TRPC7: variants seen among roughly 807,000 people sequenced by gnomAD.
The protein encoded by TRPC7 is transient receptor potential cation channel subfamily C member 7, also known as short transient receptor potential channel 7.
A neutral mutation model predicts 90.1 loss-of-function variants in TRPC7; 42 were observed. The observed-to-expected ratio is 0.47, with a 90% CI of 0.36 to 0.60. The LOEUF (loss-of-function observed/expected upper bound fraction) is 0.60. Ranked by LOEUF, TRPC7 falls within the 20% of genes least tolerant of loss-of-function variation. TRPC7 has a pLI of 0.00. For synonymous variants in TRPC7, 451 were observed against 436.3 expected, an observed-to-expected ratio of 1.03 and a Z score of -0.42; for missense variants, 955 against 1,112.3, an observed-to-expected ratio of 0.86 and a Z score of 2.01.
chr5:136,277,148 C>T (rs576287394), intron 3 of TRPC7, among the ~76,000 whole-genome samples: 4 of 152,296 alleles, frequency 2.6e-5, no homozygotes, highest in African/African-American at 9.6e-5. Context: ...AGGTCAGCAC[C>T]GCAGATTGGG....
intron 2 of TRPC7, among the ~76,000 whole-genome samples, chr5:136,333,639 G>A (rs1384817097): frequency 6.6e-6 from 1 of 152,200 alleles, no homozygotes; most frequent in Non-Finnish European, 1.5e-5. Flanking sequence ...GGTAGAATCT[G>A]TTGGAATCAT....
At chr5:136,297,121 G>T (rs1452059316) in intron 3 of TRPC7, among the ~76,000 whole-genome samples, 1 of 152,058 alleles carries the variant, frequency 6.6e-6, no homozygotes, top group African/African-American at 2.4e-5. Flanking sequence ...CCCTTTCATG[G>T]CCTGGCTCAG....
At chr5:136,218,665 T>C (rs763455746) in intron 10 of TRPC7, among the ~76,000 whole-genome samples, 6 of 152,196 alleles carry the variant, frequency 3.9e-5, no homozygotes, top group Non-Finnish European at 1.5e-5. Context: ...TTACTAATAA[T>C]AGAAAATGTG....
In TRPC7 at chr5:136,361,001, G is replaced by A. The variant is rs189631683; in HGVS notation, c.3-3616C>T. On this transcript the variant is annotated intron_variant, in intron 1 of 11. Transcript: ENST00000513104. Reference sequence around the variant, plus strand: ...CATGTTTTAGCTATACATATCACACGGGTTGGAAAGAATCCACAAAAGATG... The same window carrying A: ...CATGTTTTAGCTATACATATCACACAGGTTGGAAAGAATCCACAAAAGATG... Among the ~76,000 whole-genome samples the A allele has an allele frequency of 6.0e-4, 91 of 152,040 alleles. 1 individual carries two copies. Among genetic ancestry groups the A allele is most frequent in the African/African-American group, 2.0e-3 (81 of 41,486 alleles).
At chr5:136,347,886 C>T (rs1760061295) in intron 2 of TRPC7, among the ~76,000 whole-genome samples, 1 of 152,200 alleles carries the variant, frequency 6.6e-6, no homozygotes, top group Non-Finnish European at 1.5e-5. Flanking sequence ...GAAGCAGGGT[C>T]CTGGGGAGCT....
At position 136,361,788 on chromosome 5, in the gene TRPC7, T is replaced by C. The variant is rs557275363; in HGVS notation, c.2+3465A>G. On this transcript the variant is annotated intron_variant, in intron 1 of 11. Coordinates refer to ENST00000513104, the MANE Select transcript of TRPC7 (RefSeq NM_020389.3). ...GGAAAACTCAGCTTTGATCTGTGCA[T>C]CTTCTCCCAAGAGTACATATTCTGA... Among the ~76,000 whole-genome samples, 3 of 152,278 alleles carry C rather than the reference T, an allele frequency of 2.0e-5. 1 individual carries two copies. The South Asian group carries it at 6.2e-4, about 32-fold the overall frequency.
intron 3 of TRPC7, among the ~76,000 whole-genome samples, chr5:136,275,382 T>TAA (rs34461199): frequency 6.8e-6 from 1 of 147,042 alleles, no homozygotes; most frequent in African/African-American, 2.5e-5. Context: ...AATGACATTG[T>TAA]AAAAAAAAAA....
At chr5:136,265,670 G>A (rs796929100) in intron 5 of TRPC7, among the ~76,000 whole-genome samples, 4 of 152,236 alleles carry the variant, frequency 2.6e-5, no homozygotes, top group African/African-American at 9.6e-5. Flanking sequence ...AGCTCCAGTG[G>A]CAGACTGTGG....
chr5:136,243,132 G>A (rs930147035), intron 7 of TRPC7, among the ~76,000 whole-genome samples: 31 of 152,108 alleles, frequency 2.0e-4, no homozygotes, highest in African/African-American at 7.5e-4. Context: ...TAGAATGCTT[G>A]CCCTTCCTCT....
chr5:136,352,257 C>G (rs1760216938), intron 2 of TRPC7, among the ~76,000 whole-genome samples: 1 of 152,150 alleles, frequency 6.6e-6, no homozygotes, highest in Admixed American at 6.6e-5. Context: ...CTACAATATT[C>G]CCTTGTCATC....
At chr5:136,344,846 A>G (rs1319939778) in intron 2 of TRPC7, among the ~76,000 whole-genome samples, 2 of 152,224 alleles carry the variant, frequency 1.3e-5, no homozygotes, top group East Asian at 1.9e-4. Flanking sequence ...CAAAGACTGT[A>G]GGTGCAGGAA....
At chr5:136,296,054 A>C (rs929684194) in intron 3 of TRPC7, among the ~76,000 whole-genome samples, 2 of 152,194 alleles carry the variant, frequency 1.3e-5, no homozygotes, top group African/African-American at 4.8e-5. Flanking sequence ...CAAGAATCAT[A>C]CAAGTTGACA....
intron 8 of TRPC7, among the ~76,000 whole-genome samples, chr5:136,228,223 G>A (rs1755692789): frequency 6.6e-6 from 1 of 152,074 alleles, no homozygotes; most frequent in South Asian, 2.1e-4. Context: ...TGGGGGTCAG[G>A]GAAGGCTGGC....
At chr5:136,315,864 T>A in intron 2 of TRPC7, 85 bp from the exon 3 acceptor site, 1 of 1,320,178 alleles carries the variant, frequency 7.6e-7, no homozygotes, top group South Asian at 1.4e-5. Flanking sequence ...GATCAGCAAC[T>A]GCTCACCACA....
intron 3 of TRPC7, among the ~76,000 whole-genome samples, chr5:136,282,593 A>G (rs1167920292): frequency 6.6e-6 from 1 of 152,212 alleles, no homozygotes; most frequent in African/African-American, 2.4e-5. Context: ...AAATATGCTC[A>G]AGATTTAGGG....
At chr5:136,264,324 A>G (rs1448380066) in intron 5 of TRPC7, among the ~76,000 whole-genome samples, 2 of 152,208 alleles carry the variant, frequency 1.3e-5, no homozygotes, top group Non-Finnish European at 2.9e-5. Flanking sequence ...CTGGGGTCCA[A>G]GTGGGAAAAT....
Position 136,349,593 on chromosome 5 carries a change from T to A in TRPC7, c.780+7015A>T, listed in dbSNP as rs1440536913. Among the ~76,000 whole-genome samples, 5 of 152,368 alleles carry A rather than the reference T, an allele frequency of 3.3e-5. No individual in the cohort carries two copies. The East Asian group carries it at 9.6e-4, about 29-fold the overall frequency. On this transcript the variant is annotated intron_variant, in intron 2 of 11. Coordinates refer to ENST00000513104, the MANE Select transcript of TRPC7 (RefSeq NM_020389.3). The stretch of plus-strand genomic sequence containing the variant: ...GGTCGTTATTCATTAATTTGATCAC[T>A]GATTTATTTGTCTATTTACTGAACT...
At chr5:136,268,839 G>A (rs1416340299) in intron 4 of TRPC7, among the ~76,000 whole-genome samples, 1 of 152,062 alleles carries the variant, frequency 6.6e-6, no homozygotes, top group Non-Finnish European at 1.5e-5. Flanking sequence ...TATACTTCTG[G>A]GTTTGAATGC....
chr5:136,287,687 C>CAAAAAAAAAAA (rs767031610), intron 3 of TRPC7, among the ~76,000 whole-genome samples: 4 of 59,516 alleles, frequency 6.7e-5, no homozygotes, highest in African/African-American at 6.2e-5. Context: ...AGTGGATGCT[C>CAAAAAAAAAAA]AAAAAAAAAA....
Sources: gnomAD v4.1 joint callset for allele counts (sites outside exome capture counted in the v4.1 genomes callset) on GRCh38, gnomAD v4.1.1 for gene constraint, MANE v1.5 for transcripts, NCBI Gene and HGNC (gene_info 2026-07-23, HGNC 2026-07-21) for gene names.